Variants in ACTA2 observed in about 807,000 individuals in gnomAD.
ACTA2 encodes actin, aortic smooth muscle.
ACTA2 carries 12 observed loss-of-function variants against 39.5 expected under a neutral mutation model. The ratio of observed to expected loss-of-function variants is 0.30; its 90% CI spans 0.19 to 0.49. The LOEUF (loss-of-function observed/expected upper bound fraction) is 0.49, where lower values mean the gene tolerates loss of function less well. Among genes scored for constraint, ACTA2 ranks in the 20% least tolerant of loss-of-function variants. The pLI is 0.99. For synonymous variants in ACTA2, 158 were observed against 180.6 expected (o/e 0.88, Z 1.00); for missense variants, 236 against 498.8 (o/e 0.47, Z 5.02).
chr10:88,975,689 A>G (rs1323466882), intron 1 of ACTA2, among the ~76,000 whole-genome samples: 1 of 152,150 alleles, frequency 6.6e-6, no homozygotes, highest in Non-Finnish European at 1.5e-5. Flanking sequence ...AGGTCATAAA[A>G]CAGTGCCTGG....
chr10:88,958,605 C>T (rs534912258), intron 1 of ACTA2, among the ~76,000 whole-genome samples: 2 of 152,122 alleles, frequency 1.3e-5, no homozygotes, highest in Admixed American at 6.6e-5. Context: ...TAGTAGGGAG[C>T]GTGAGGTTAA....
chr10:88,980,365 G>A lies in ACTA2; in HGVS notation c.-24+10574C>T, dbSNP rs141455874. Among the ~76,000 whole-genome samples the A allele has an allele frequency of 5.0e-3, 767 of 152,306 alleles. 6 individuals are homozygous for A. Among genetic ancestry groups the A allele is most frequent in the African/African-American group, 0.017 (727 of 41,560 alleles). On this transcript the variant is annotated intron_variant, in intron 1 of 4. Transcript: ENST00000415557. ...AGAGCACATTAGCAAGCATCAGGAC[G>A]CTGAACATAACCACAGTGGAGGTGA...
At chr10:88,971,223 C>CTTA (rs1201644865) in intron 1 of ACTA2, among the ~76,000 whole-genome samples, 1 of 152,252 alleles carries the variant, frequency 6.6e-6, no homozygotes, top group Non-Finnish European at 1.5e-5. Flanking sequence ...ACTTCTGCTA[C>CTTA]TTAAATGAGT....
Position 88,975,375 on chromosome 10 carries a change from T to A in ACTA2, c.-24+15564A>T, listed in dbSNP as rs1846538960. Among the ~76,000 whole-genome samples the A allele has an allele frequency of 2.0e-5, 3 of 152,306 alleles. 1 individual carries two copies. In the South Asian group the frequency reaches 6.2e-4, roughly 32 times the overall value. On this transcript the variant is annotated intron_variant, in intron 1 of 4. Transcript: ENST00000415557. ...CAGAAAAATTAGTTGAGAAGGACAA[T>A]AGTACTGTCATACTTTTTAAAAACT...
intron 1 of ACTA2, among the ~76,000 whole-genome samples, chr10:88,985,173 T>C (rs1390732531): frequency 6.6e-6 from 1 of 152,226 alleles, no homozygotes; most frequent in Non-Finnish European, 1.5e-5. Context: ...GAAAGACTTA[T>C]GTTTACCAGG....
At chr10:88,971,456 G>C (rs1295110825) in intron 1 of ACTA2, among the ~76,000 whole-genome samples, 1 of 152,220 alleles carries the variant, frequency 6.6e-6, no homozygotes, top group African/African-American at 2.4e-5. Flanking sequence ...GTTAGGATCT[G>C]AGTGTTTGGG....
chr10:88,955,474 A>G (rs1846122725), upstream of ACTA2, among the ~76,000 whole-genome samples: 1 of 152,234 alleles, frequency 6.6e-6, no homozygotes, highest in African/African-American at 2.4e-5. Flanking sequence ...GAGAGTCACA[A>G]ACAGTTCTCC....
intron 1 of ACTA2, among the ~76,000 whole-genome samples, chr10:88,951,652 C>G (rs966323082): frequency 3.3e-5 from 5 of 152,142 alleles, no homozygotes; most frequent in Non-Finnish European, 7.3e-5. Context: ...CGGTTTGGAG[C>G]AAAGCATTTC....
chr10:88,946,657 G>A (rs1845953672), intron 3 of ACTA2, among the ~76,000 whole-genome samples: 1 of 151,708 alleles, frequency 6.6e-6, no homozygotes, highest in Admixed American at 6.6e-5. Context: ...CTCCCAAAGT[G>A]TTGGGATTAC....
At chr10:88,958,493 T>G (rs1318537910) in intron 1 of ACTA2, among the ~76,000 whole-genome samples, 2 of 152,168 alleles carry the variant, frequency 1.3e-5, no homozygotes, top group Admixed American at 6.5e-5. Context: ...TGGTAAGTGG[T>G]AGAGCAGGGA....
intron 1 of ACTA2, among the ~76,000 whole-genome samples, chr10:88,965,430 C>G (rs1045044624): frequency 6.6e-6 from 1 of 152,152 alleles, no homozygotes; most frequent in Admixed American, 6.6e-5. Context: ...AGATAAGATG[C>G]ATAAGATAAG....
In ACTA2 at chr10:88,935,323, C is replaced by G; in HGVS notation, c.1034G>C (p.Gly345Ala). 1 of 1,613,918 alleles carries G rather than the reference C, an allele frequency of 6.2e-7. No homozygotes were observed. Among genetic ancestry groups the G allele is most frequent in the Non-Finnish European group, 8.5e-7 (1 of 1,179,864 alleles). ...GGTGGACAGAGAGGCCAGGATGGAGCCACCGATCCAGACAGAGTATTTGCG... is the reference window on the plus strand; with the variant it reads ...GGTGGACAGAGAGGCCAGGATGGAGGCACCGATCCAGACAGAGTATTTGCG... The part of the protein sequence containing the change: ...PERKYSVWIG[G>A]SILASLSTFQ... Residue 345 changes from glycine (G) to alanine (A), a missense_variant, in exon 9 of 9, where the codon GGC becomes GCC. By Grantham distance (60) the Gly-to-Ala change is moderately conservative. Transcript: ENST00000224784.
chr10:88,966,223 A>G (rs987624), intron 1 of ACTA2, among the ~76,000 whole-genome samples: 125,218 of 152,182 alleles, frequency 0.82, 51,780 homozygotes, highest in African/African-American at 0.85. Flanking sequence ...GAAGAATAGT[A>G]AGGAATGATC....
At chr10:88,953,891 C>G (rs142741163), upstream of ACTA2, among the ~76,000 whole-genome samples, 1 of 152,098 alleles carries the variant, frequency 6.6e-6, no homozygotes, top group Admixed American at 6.6e-5. Flanking sequence ...TGAGGCCTCC[C>G]CAGCCATGCA....
rs570360366 is a variant in ACTA2 at position 88,979,948 on chromosome 10, G to GA, written c.-24+10990dup. 5.7e-3 allele frequency among the ~76,000 whole-genome samples: 875 copies of GA among 152,304 alleles called. 3 individuals are homozygous for GA. Among genetic ancestry groups the GA allele is most frequent in the Non-Finnish European group, 7.2e-3 (490 of 68,018 alleles). On this transcript the variant is annotated intron_variant, in intron 1 of 4. Transcript: ENST00000415557. The stretch of plus-strand genomic sequence containing the variant: ...AGAAGATATAGTTCTTACGTTCAAA[G>GA]AGCTTCCAAGCTATTTATGGAGCTT...
chr10:88,941,881 T>C lies in ACTA2; in HGVS notation c.370-12A>G. ...GTCTCAAACATAATCTGCAAAGCAATCCAAAGAGCTGAGTTAGTGAAGGTG... is the reference window on the plus strand; with the variant it reads ...GTCTCAAACATAATCTGCAAAGCAACCCAAAGAGCTGAGTTAGTGAAGGTG... On this transcript the variant is annotated splice_polypyrimidine_tract_variant and intron_variant, in intron 4 of 8. Transcript: ENST00000224784. 1 of 1,606,948 alleles carries C rather than the reference T, an allele frequency of 6.2e-7. No individual in the cohort carries two copies. The highest frequency in any genetic ancestry group is 8.5e-7 in the Non-Finnish European group (1 of 1,176,060).
At chr10:88,946,984 A>G in intron 3 of ACTA2, 1 of 303,904 alleles carries the variant, frequency 3.3e-6, no homozygotes, top group Non-Finnish European at 6.3e-6. Context: ...GAGTGAGAAC[A>G]TGCGGTGTTT....
At chr10:88,989,410 T>G in intron 1 of ACTA2, 1 of 496,104 alleles carries the variant, frequency 2.0e-6, no homozygotes, top group South Asian at 1.5e-5. Context: ...TTTGCAGAGA[T>G]AATACAGAGA....
intron 1 of ACTA2, among the ~76,000 whole-genome samples, chr10:88,949,830 G>C (rs1846018267): frequency 6.6e-6 from 1 of 152,010 alleles, no homozygotes; most frequent in African/African-American, 2.4e-5. Flanking sequence ...TGTTGACTGA[G>C]GTTATTATGA....
Sources: allele counts gnomAD v4.1 joint callset (sites outside exome capture counted in the v4.1 genomes callset), GRCh38; gene constraint gnomAD v4.1.1; transcripts MANE v1.5; gene names NCBI Gene and HGNC (gene_info 2026-07-23, HGNC 2026-07-21).